BABAM2: variants seen among roughly 807,000 people sequenced by gnomAD.
BABAM2 encodes the protein BRISC and BRCA1 A complex member 2, also known as BRISC and BRCA1-A complex member 2.
In BABAM2, 31 loss-of-function variants were observed where a neutral mutation model predicts 54.7. That is an observed-to-expected ratio of 0.57 (90% confidence interval 0.43 to 0.77). The LOEUF (loss-of-function observed/expected upper bound fraction) is 0.77, where lower values mean the gene tolerates loss of function less well. Ranked by LOEUF, BABAM2 falls within the 30% of genes least tolerant of loss-of-function variation. The probability of loss-of-function intolerance (pLI) is 0.00; values close to 1 mark genes in which losing one functional copy is unlikely to be tolerated. For synonymous variants in BABAM2, 167 were observed against 162.9 expected (o/e 1.03, Z -0.19); for missense variants, 364 against 455.8 (o/e 0.80, Z 1.83).
chr2:27,901,916 A>G (rs1665821638), intron 2 of BABAM2, among the ~76,000 whole-genome samples: 1 of 152,196 alleles, frequency 6.6e-6, no homozygotes, highest in Non-Finnish European at 1.5e-5. Context: ...GTTTGTACAA[A>G]TGATATACTA....
chr2:28,288,375 G>C (rs1686999822), intron 10 of BABAM2, among the ~76,000 whole-genome samples: 1 of 150,346 alleles, frequency 6.7e-6, no homozygotes, highest in Non-Finnish European at 1.5e-5. Flanking sequence ...ACCAAGGCTG[G>C]AGTGCAATGG....
chr2:28,139,321 C>CAAAAAA (rs768755922), intron 7 of BABAM2, among the ~76,000 whole-genome samples: 455 of 86,188 alleles, frequency 5.3e-3, no homozygotes, highest in Non-Finnish European at 6.3e-3. Context: ...AACTCCGTCT[C>CAAAAAA]AAAAAAAAAA....
chr2:28,207,880 C>G (rs1679038776), intron 7 of BABAM2, among the ~76,000 whole-genome samples: 1 of 151,978 alleles, frequency 6.6e-6, no homozygotes, highest in Non-Finnish European at 1.5e-5. Context: ...AACTTAGGAC[C>G]CTCAATTTTT....
chr2:28,065,364 A>G (rs375128824), intron 6 of BABAM2, among the ~76,000 whole-genome samples: 1 of 152,218 alleles, frequency 6.6e-6, no homozygotes, highest in African/African-American at 2.4e-5. Flanking sequence ...CACAGGTACT[A>G]TGGCTAGCAG....
intron 7 of BABAM2, among the ~76,000 whole-genome samples, chr2:28,224,141 C>T (rs868453914): frequency 6.6e-6 from 1 of 152,216 alleles, no homozygotes; most frequent in African/African-American, 2.4e-5. Flanking sequence ...TTAATTTACC[C>T]AGTTAATCAC....
chr2:28,091,287 T>G (rs746098702), intron 6 of BABAM2, among the ~76,000 whole-genome samples: 1 of 152,194 alleles, frequency 6.6e-6, no homozygotes, highest in Non-Finnish European at 1.5e-5. Context: ...TTTAACCAGA[T>G]GGATAGGTGA....
chr2:27,967,904 C>T (rs1025117556), intron 3 of BABAM2, among the ~76,000 whole-genome samples: 6 of 152,106 alleles, frequency 3.9e-5, no homozygotes, highest in Non-Finnish European at 8.8e-5. Flanking sequence ...AATTTCTAAG[C>T]AGCAAAGCAT....
intron 7 of BABAM2, among the ~76,000 whole-genome samples, chr2:28,168,112 G>C (rs1673910213): frequency 6.6e-6 from 1 of 152,182 alleles, no homozygotes; most frequent in African/African-American, 2.4e-5. Flanking sequence ...AACTCAAGGA[G>C]CCCAGTGGAA....
intron 11 of BABAM2, among the ~76,000 whole-genome samples, chr2:28,302,572 A>G (rs1227830665): frequency 6.6e-6 from 1 of 152,176 alleles, no homozygotes; most frequent in Admixed American, 6.5e-5. Flanking sequence ...GCTATGACCA[A>G]GCCTTTTTGT....
chr2:27,996,468 G>T (rs999231095), intron 4 of BABAM2: 1 of 154,810 alleles, frequency 6.5e-6, no homozygotes, highest in Non-Finnish European at 1.5e-5. Context: ...AGAATTCTCT[G>T]TCGTTTGTCA....
At chr2:28,321,405 C>A (rs1014370049) in intron 11 of BABAM2, among the ~76,000 whole-genome samples, 1 of 152,162 alleles carries the variant, frequency 6.6e-6, no homozygotes, top group African/African-American at 2.4e-5. Context: ...CAGGAGGTTC[C>A]ATCTCTAACC....
chr2:28,169,171 A>G (rs964911216), intron 7 of BABAM2, among the ~76,000 whole-genome samples: 2 of 152,224 alleles, frequency 1.3e-5, no homozygotes, highest in African/African-American at 4.8e-5. Context: ...ATTTATTTCA[A>G]GCTGTGGTAA....
rs924649406 is a variant in BABAM2 at position 28,244,764 on chromosome 2, T to C, written c.852-16T>C. The C allele has an allele frequency of 1.2e-6, 2 of 1,607,560 alleles. No individual in the cohort carries two copies. The highest frequency in any genetic ancestry group is 8.5e-7 in the Non-Finnish European group (1 of 1,176,168). On this transcript the variant is annotated splice_polypyrimidine_tract_variant and intron_variant, in intron 9 of 11. Transcript: ENST00000379624. ...AGGGTTTTTTTTGTTTGTGTGTGTATGTTTTTATTACTTAGAGGTGTCGTG... is the reference window on the plus strand; with the variant it reads ...AGGGTTTTTTTTGTTTGTGTGTGTACGTTTTTATTACTTAGAGGTGTCGTG...
intron 6 of BABAM2, among the ~76,000 whole-genome samples, chr2:28,110,181 G>A (rs982623877): frequency 3.3e-5 from 5 of 151,246 alleles, no homozygotes; most frequent in Admixed American, 6.6e-5. Flanking sequence ...GTTCATCCAC[G>A]TTGTAGGATG....
At chr2:28,097,011 A>G (rs1343195687) in intron 6 of BABAM2, among the ~76,000 whole-genome samples, 2 of 152,182 alleles carry the variant, frequency 1.3e-5, no homozygotes, top group Non-Finnish European at 2.9e-5. Context: ...GGATAGGCCA[A>G]AAACTCTGCC....
intron 7 of BABAM2, among the ~76,000 whole-genome samples, chr2:28,203,745 T>A (rs1678526013): frequency 6.6e-6 from 1 of 152,218 alleles, no homozygotes; most frequent in Admixed American, 6.5e-5. Flanking sequence ...CTTTTACATT[T>A]AGGTTGTTGA....
intron 3 of BABAM2, among the ~76,000 whole-genome samples, chr2:27,931,867 C>A (rs1313277462): frequency 6.6e-6 from 1 of 151,648 alleles, no homozygotes; most frequent in East Asian, 1.9e-4. Flanking sequence ...ATTCCTCTTC[C>A]TTCACCTCCC....
At chr2:28,120,185 G>A (rs1668950776) in intron 6 of BABAM2, among the ~76,000 whole-genome samples, 1 of 152,136 alleles carries the variant, frequency 6.6e-6, no homozygotes, top group Admixed American at 6.6e-5. Flanking sequence ...AACACATAAA[G>A]CATATACTTT....
At chr2:28,097,176 G>T (rs934095257) in intron 6 of BABAM2, among the ~76,000 whole-genome samples, 1 of 152,134 alleles carries the variant, frequency 6.6e-6, no homozygotes, top group Non-Finnish European at 1.5e-5. Context: ...TAGGGAAACC[G>T]TGATGCCTGC....
Sources: allele counts gnomAD v4.1 joint callset (sites outside exome capture counted in the v4.1 genomes callset), GRCh38; gene constraint gnomAD v4.1.1; transcripts MANE v1.5; gene names NCBI Gene and HGNC (gene_info 2026-07-23, HGNC 2026-07-21).